LIN7A: variants seen among roughly 807,000 people sequenced by gnomAD.
LIN7A encodes the protein protein lin-7 homolog A.
LIN7A carries 25 observed loss-of-function variants against 29.8 expected under a neutral mutation model. That is an observed-to-expected ratio of 0.84 (90% confidence interval 0.61 to 1.17). The LOEUF (loss-of-function observed/expected upper bound fraction) is 1.17. Ranked by LOEUF, LIN7A falls within the 50% of genes most tolerant of loss-of-function variation. The pLI is 0.00. For synonymous variants in LIN7A, 118 were observed against 107.5 expected, an observed-to-expected ratio of 1.10 and a Z score of -0.60; for missense variants, 239 against 287.0, an observed-to-expected ratio of 0.83 and a Z score of 1.21.
chr12:80,857,454 C>T (rs1873659062), intron 2 of LIN7A, among the ~76,000 whole-genome samples: 1 of 152,062 alleles, frequency 6.6e-6, no homozygotes, highest in Non-Finnish European at 1.5e-5. Flanking sequence ...TACTGGGCGC[C>T]TGGATAGAAT....
intron 2 of LIN7A, among the ~76,000 whole-genome samples, chr12:80,882,798 T>C (rs1447886303): frequency 2.0e-5 from 3 of 152,198 alleles, no homozygotes; most frequent in Admixed American, 6.5e-5. Flanking sequence ...TCAAGGTATG[T>C]AATCTGCTAT....
intron 2 of LIN7A, among the ~76,000 whole-genome samples, chr12:80,874,987 C>T (rs948259698): frequency 1.3e-5 from 2 of 152,090 alleles, no homozygotes; most frequent in African/African-American, 2.4e-5. Flanking sequence ...GGTGACAGAG[C>T]GAGATTCTGT....
chr12:80,885,799 C>G (rs538756250), intron 2 of LIN7A, among the ~76,000 whole-genome samples: 12 of 152,122 alleles, frequency 7.9e-5, no homozygotes, highest in African/African-American at 2.4e-4. Context: ...AAAATTTTAT[C>G]AAACTATTCT....
intron 2 of LIN7A, among the ~76,000 whole-genome samples, chr12:80,867,588 T>G (rs1311980546): frequency 1.3e-5 from 2 of 152,206 alleles, no homozygotes; most frequent in African/African-American, 2.4e-5. Flanking sequence ...TCTACTTGGA[T>G]AAGTTTTCTG....
intron 2 of LIN7A, among the ~76,000 whole-genome samples, chr12:80,887,267 GTCAC>G (rs1240112140): frequency 6.6e-6 from 1 of 152,036 alleles, no homozygotes; most frequent in African/African-American, 2.4e-5. Context: ...CATCTTATCT[GTCAC>G]TCAATCTACT....
At chr12:80,840,519 A>T (rs1057506671) in intron 4 of LIN7A, among the ~76,000 whole-genome samples, 2 of 152,124 alleles carry the variant, frequency 1.3e-5, no homozygotes, top group Admixed American at 1.3e-4. Context: ...TCCTGGCCCT[A>T]CTCTTTCATG....
chr12:80,851,221 G>A (rs1422926252), intron 2 of LIN7A, among the ~76,000 whole-genome samples: 1 of 151,894 alleles, frequency 6.6e-6, no homozygotes, highest in Non-Finnish European at 1.5e-5. Flanking sequence ...TTAAACAAGT[G>A]AGGGCTGCAA....
chr12:80,841,444 G>C (rs1872819522), intron 4 of LIN7A, among the ~76,000 whole-genome samples: 3 of 152,040 alleles, frequency 2.0e-5, no homozygotes, highest in African/African-American at 7.2e-5. Flanking sequence ...CTCAAGAGCT[G>C]GACCAATCTC....
At chr12:80,821,577 A>G (rs888988203) in intron 4 of LIN7A, among the ~76,000 whole-genome samples, 3 of 152,180 alleles carry the variant, frequency 2.0e-5, no homozygotes, top group Admixed American at 6.5e-5. Context: ...TAAGACAACA[A>G]TGCAAATACA....
At chr12:80,842,843 T>A (rs964406006) in intron 4 of LIN7A, among the ~76,000 whole-genome samples, 2 of 152,154 alleles carry the variant, frequency 1.3e-5, no homozygotes, top group African/African-American at 2.4e-5. Flanking sequence ...AAAGAGCACA[T>A]AACTTACTTT....
In LIN7A at chr12:80,916,404, T is replaced by C. The variant is rs1417225110; in HGVS notation, c.82+21237A>G. On this transcript the variant is annotated intron_variant, in intron 1 of 5. Transcript: ENST00000552864. ...TCATTTCTTACTGTCCTTTGCCTTG[T>C]TCCCTCTGCTCCAGCTCTACTGAGC... Among the ~76,000 whole-genome samples, 3 of 152,134 alleles carry C rather than the reference T, an allele frequency of 2.0e-5. No individual in the cohort carries two copies. In the East Asian group the frequency reaches 5.8e-4, roughly 29 times the overall value.
intron 1 of LIN7A, among the ~76,000 whole-genome samples, chr12:80,894,531 C>T (rs972234080): frequency 1.7e-4 from 26 of 151,968 alleles, no homozygotes; most frequent in Non-Finnish European, 3.2e-4. Flanking sequence ...CTAGAATTTT[C>T]GATTTAATAA....
chr12:80,893,764 C>G (rs976669539), intron 1 of LIN7A, among the ~76,000 whole-genome samples: 1 of 152,180 alleles, frequency 6.6e-6, no homozygotes, highest in Non-Finnish European at 1.5e-5. Flanking sequence ...CGCTTGCCCT[C>G]TCTGTCTGAG....
chr12:80,861,432 G>T, intron 2 of LIN7A: 1 of 156,000 alleles, frequency 6.4e-6, no homozygotes, highest in South Asian at 1.9e-4. Flanking sequence ...GATGGTGACG[G>T]GGTCACTCAT....
chr12:80,869,486 C>A (rs2120482151), intron 2 of LIN7A, among the ~76,000 whole-genome samples: 1 of 152,250 alleles, frequency 6.6e-6, no homozygotes, highest in Admixed American at 6.5e-5. Flanking sequence ...CTGAGCACCA[C>A]AGGAGAGGCT....
intron 2 of LIN7A, among the ~76,000 whole-genome samples, chr12:80,877,868 G>GA (rs1169752162): frequency 3.0e-3 from 385 of 129,502 alleles, no homozygotes; most frequent in Non-Finnish European, 3.0e-3. Flanking sequence ...GCACTGGGAA[G>GA]AAAAAAAAAA....
At chr12:80,866,633 T>C (rs1029779859) in intron 2 of LIN7A, among the ~76,000 whole-genome samples, 3 of 152,158 alleles carry the variant, frequency 2.0e-5, no homozygotes, top group African/African-American at 7.2e-5. Context: ...CAAATTGCAA[T>C]GGGCTGAGAG....
rs1157849038 is a variant in LIN7A at position 80,793,363 on chromosome 12, A to T, written c.*4364T>A. 6.6e-6 allele frequency: 1 copy of T among 152,218 alleles called. No homozygotes were observed. Among genetic ancestry groups the T allele is most frequent in the Non-Finnish European group, 1.5e-5 (1 of 68,026 alleles). The allele number at this position is 152,218 out of a possible 1,614,324, so 9.4% of individuals were successfully genotyped here. ...TATAACCGTGGTTTATAGATAAACT[A>T]AGCAGCATTTTTGAGCAGTGGTTTT... On this transcript the variant is annotated 3_prime_UTR_variant, in exon 6 of 6. Transcript: ENST00000552864.
chr12:80,936,682 A>G (rs1265518846), intron 1 of LIN7A: 3 of 152,300 alleles, frequency 2.0e-5, no homozygotes, highest in Non-Finnish European at 4.4e-5. Context: ...GTATAACCCC[A>G]CAGGGGTGCA....
Sources: allele counts gnomAD v4.1 joint callset (sites outside exome capture counted in the v4.1 genomes callset), GRCh38; gene constraint gnomAD v4.1.1; transcripts MANE v1.5; gene names NCBI Gene and HGNC (gene_info 2026-07-23, HGNC 2026-07-21).